ASIC2: variants seen among roughly 807,000 people sequenced by gnomAD.
The protein encoded by ASIC2 is acid sensing ion channel subunit 2.
ASIC2 carries 25 observed loss-of-function variants against 57.3 expected under a neutral mutation model. The observed-to-expected ratio is 0.44, with a 90% confidence interval of 0.32 to 0.61. ASIC2 has a LOEUF of 0.61. ASIC2 is among the 20% of genes least tolerant of loss of function. The pLI is 0.06. For synonymous variants in ASIC2, 319 were observed against 307.5 expected (o/e 1.04, Z -0.39); for missense variants, 641 against 738.1 (o/e 0.87, Z 1.52).
chr17:33,591,972 C>G (rs1213577252), intron 1 of ASIC2, among the ~76,000 whole-genome samples: 1 of 152,152 alleles, frequency 6.6e-6, no homozygotes, highest in East Asian at 1.9e-4. Context: ...GCCTCTGCTC[C>G]TATACCTAAG....
intron 1 of ASIC2, among the ~76,000 whole-genome samples, chr17:33,734,345 G>A (rs183819594): frequency 6.6e-6 from 1 of 152,230 alleles, no homozygotes; most frequent in East Asian, 1.9e-4. Flanking sequence ...GCTCCCACGT[G>A]AGGTCGAACC....
intron 1 of ASIC2, among the ~76,000 whole-genome samples, chr17:33,640,241 G>C (rs1275868625): frequency 2.6e-5 from 4 of 152,102 alleles, no homozygotes; most frequent in Non-Finnish European, 4.4e-5. Context: ...GCTGCCATGG[G>C]GGCTGAGGGA....
intron 1 of ASIC2, among the ~76,000 whole-genome samples, chr17:33,511,051 G>A (rs1304661823): frequency 6.6e-6 from 1 of 152,168 alleles, no homozygotes; most frequent in African/African-American, 2.4e-5. Flanking sequence ...TAGCGAACAT[G>A]CTTTTTCAAG....
chr17:33,277,255 G>A (rs1213610688), intron 1 of ASIC2, among the ~76,000 whole-genome samples: 1 of 152,180 alleles, frequency 6.6e-6, no homozygotes, highest in African/African-American at 2.4e-5. Flanking sequence ...CCTGGGAGGT[G>A]ACACTGACTT....
chr17:33,137,379 C>G (rs1164643638), intron 1 of ASIC2, among the ~76,000 whole-genome samples: 1 of 152,160 alleles, frequency 6.6e-6, no homozygotes, highest in African/African-American at 2.4e-5. Context: ...GAGATTGGAT[C>G]CCTCCAGGGG....
chr17:34,120,131 C>T (rs1261638070), intron 1 of ASIC2: 1 of 152,200 alleles, frequency 6.6e-6, no homozygotes, highest in African/African-American at 2.4e-5. Context: ...TCCAAGATCA[C>T]GTAAGATCTG....
intron 1 of ASIC2, among the ~76,000 whole-genome samples, chr17:33,755,098 C>A (rs1301427110): frequency 6.6e-6 from 1 of 151,826 alleles, no homozygotes; most frequent in African/African-American, 2.4e-5. Flanking sequence ...CAGGTCAGGT[C>A]AAGGTCATCA....
At chr17:33,567,522 C>A (rs917785228) in intron 1 of ASIC2, among the ~76,000 whole-genome samples, 1 of 152,126 alleles carries the variant, frequency 6.6e-6, no homozygotes, top group African/African-American at 2.4e-5. Context: ...GGCTGCTGGA[C>A]AGTGGGAAGG....
intron 1 of ASIC2, chr17:33,936,772 G>C (rs1419928503): frequency 6.6e-6 from 1 of 152,188 alleles, no homozygotes; most frequent in African/African-American, 2.4e-5. Context: ...GTATGATGAG[G>C]GAGTGAACTC....
intron 1 of ASIC2, chr17:33,955,134 A>T (rs1904694661): frequency 6.6e-6 from 1 of 152,214 alleles, no homozygotes; most frequent in Non-Finnish European, 1.5e-5. Flanking sequence ...TGACTTGACC[A>T]ATAAGTCACA....
chr17:33,997,989 C>T (rs1906215051), intron 1 of ASIC2, among the ~76,000 whole-genome samples: 1 of 152,056 alleles, frequency 6.6e-6, no homozygotes, highest in Non-Finnish European at 1.5e-5. Flanking sequence ...TAAATGTTTG[C>T]TAGAATTCAT....
intron 1 of ASIC2, among the ~76,000 whole-genome samples, chr17:33,912,116 G>C (rs1047736822): frequency 2.1e-5 from 3 of 140,522 alleles, no homozygotes; most frequent in African/African-American, 8.1e-5. Context: ...CTCCAGCCTG[G>C]GTAACAGAGT....
chr17:34,058,121 C>A (rs1029483356), intron 1 of ASIC2, among the ~76,000 whole-genome samples: 4 of 152,236 alleles, frequency 2.6e-5, no homozygotes, highest in African/African-American at 9.6e-5. Flanking sequence ...TTACATATTT[C>A]TAAGTGCTAA....
In ASIC2 at chr17:33,845,474, T is replaced by TA. The variant is rs1567732441; in HGVS notation, c.555+310503_555+310504insT. Among the ~76,000 whole-genome samples, 625 of 152,216 alleles carry TA rather than the reference T, an allele frequency of 4.1e-3. 3 individuals are homozygous for TA. The highest frequency in any genetic ancestry group is 0.013 in the African/African-American group (548 of 41,534). On this transcript the variant is annotated intron_variant, in intron 1 of 9. Coordinates refer to the ASIC2 transcript ENST00000359872. The stretch of plus-strand genomic sequence containing the variant: ...GCAGCCTTGAATGAAAGAGATAATA[T>TA]GGTATAGTGGGAAGAACATACATTT...
rs557836801 is a variant in ASIC2 at position 33,759,819 on chromosome 17, C to G, written c.555+396159G>C. Reference sequence around the variant, plus strand: ...ATGTGGTGCTAATTCTATAGGATGACAGAAAGCAGAAGCTGTGGAGGCCAC... The same window carrying G: ...ATGTGGTGCTAATTCTATAGGATGAGAGAAAGCAGAAGCTGTGGAGGCCAC... On this transcript the variant is annotated intron_variant, in intron 1 of 9. Transcript: ENST00000359872. 2.6e-5 allele frequency among the ~76,000 whole-genome samples: 4 copies of G among 152,252 alleles called. No individual in the cohort carries two copies. The East Asian group carries it at 5.8e-4, about 22-fold the overall frequency.
intron 1 of ASIC2, among the ~76,000 whole-genome samples, chr17:33,202,793 C>T (rs926407933): frequency 7.9e-5 from 12 of 152,166 alleles, no homozygotes; most frequent in Non-Finnish European, 1.6e-4. Context: ...CCAGCTGGAG[C>T]TTGCTCCTGG....
chr17:33,559,406 G>C (rs973548026), intron 1 of ASIC2, among the ~76,000 whole-genome samples: 7 of 152,102 alleles, frequency 4.6e-5, no homozygotes, highest in Admixed American at 3.3e-4. Flanking sequence ...CTCTATATGG[G>C]CTCTGCCCCT....
chr17:33,653,787 A>G (rs1384756982), intron 1 of ASIC2, among the ~76,000 whole-genome samples: 2 of 152,230 alleles, frequency 1.3e-5, no homozygotes, highest in African/African-American at 4.8e-5. Flanking sequence ...CAGAGCTGAG[A>G]TCAGGACTTA....
At chr17:34,038,922 A>C in intron 1 of ASIC2, 1 of 1,612,800 alleles carries the variant, frequency 6.2e-7, no homozygotes, top group Non-Finnish European at 8.5e-7. Flanking sequence ...AGATTCTGAA[A>C]AGCATAACCA....
Sources: allele counts gnomAD v4.1 joint callset (sites outside exome capture counted in the v4.1 genomes callset), GRCh38; gene constraint gnomAD v4.1.1; transcripts MANE v1.5; gene names NCBI Gene and HGNC (gene_info 2026-07-23, HGNC 2026-07-21).